Variants in GRK5 observed in about 807,000 individuals in gnomAD.
GRK5 encodes the protein G protein-coupled receptor kinase 5.
Under a neutral mutation model 78.4 loss-of-function variants are expected in GRK5, and 40 were observed. That is an observed-to-expected ratio of 0.51 (90% CI 0.40 to 0.66). GRK5 has a LOEUF of 0.66. Among genes scored for constraint, GRK5 ranks in the 30% least tolerant of loss-of-function variants. The pLI, the probability that GRK5 is intolerant of heterozygous loss-of-function variation, is 0.00. For synonymous variants in GRK5, 289 were observed against 296.8 expected (o/e 0.97, Z 0.27); for missense variants, 598 against 759.9 (o/e 0.79, Z 2.50).
intron 3 of GRK5, among the ~76,000 whole-genome samples, chr10:119,381,433 C>T (rs1188912113): frequency 2.0e-5 from 3 of 152,254 alleles, no homozygotes; most frequent in Admixed American, 2.0e-4. Flanking sequence ...GCACTCAATA[C>T]ATGTCAAATG....
intron 1 of GRK5, among the ~76,000 whole-genome samples, chr10:119,311,914 A>ACTTTTTTTTTTTTTTTTTTTTTT (rs34048341): frequency 7.3e-6 from 1 of 137,814 alleles, no homozygotes; most frequent in Non-Finnish European, 1.5e-5. Context: ...TGAATTGTTC[A>ACTTTTTTTTTTTTTTTTTTTTTT]TTTTTTTTTT....
intron 1 of GRK5, among the ~76,000 whole-genome samples, chr10:119,241,353 GC>G (rs1328857259): frequency 6.6e-6 from 1 of 152,222 alleles, no homozygotes; most frequent in Non-Finnish European, 1.5e-5. Flanking sequence ...AGGGATGCAT[GC>G]CAGATGGCCT....
intron 1 of GRK5, among the ~76,000 whole-genome samples, chr10:119,320,455 G>C (rs1022199148): frequency 6.6e-6 from 1 of 152,230 alleles, no homozygotes; most frequent in African/African-American, 2.4e-5. Flanking sequence ...TGCTGCATGC[G>C]TTGAGAGAAT....
At chr10:119,395,926 A>G (rs1378144843) in intron 3 of GRK5, among the ~76,000 whole-genome samples, 1 of 152,164 alleles carries the variant, frequency 6.6e-6, no homozygotes, top group Non-Finnish European at 1.5e-5. Flanking sequence ...TTGGGATGGC[A>G]GCCCCTGTTC....
intron 2 of GRK5, among the ~76,000 whole-genome samples, chr10:119,363,757 C>A (rs1851401174): frequency 6.6e-6 from 1 of 152,196 alleles, no homozygotes; most frequent in Non-Finnish European, 1.5e-5. Context: ...TCAGAACTAA[C>A]TTGGATCTGT....
intron 1 of GRK5, among the ~76,000 whole-genome samples, chr10:119,276,931 A>G (rs1400550487): frequency 6.6e-6 from 1 of 152,208 alleles, no homozygotes; most frequent in African/African-American, 2.4e-5. Context: ...TACCATGATC[A>G]ATTATTATTA....
intron 3 of GRK5, among the ~76,000 whole-genome samples, chr10:119,389,632 G>A (rs537928101): frequency 6.6e-6 from 1 of 152,352 alleles, no homozygotes; most frequent in African/African-American, 2.4e-5. Context: ...ACTGGAGCAG[G>A]AGGGGGTCTG....
At chr10:119,393,930 A>G (rs1851928754) in intron 3 of GRK5, among the ~76,000 whole-genome samples, 1 of 138,740 alleles carries the variant, frequency 7.2e-6, no homozygotes, top group African/African-American at 2.7e-5. Context: ...GTGGATGGGT[A>G]TCTGTGGGTG....
At chr10:119,420,337 AAAAC>A (rs149499569) in intron 4 of GRK5, among the ~76,000 whole-genome samples, 53,105 of 106,208 alleles carry the variant, frequency 0.5, 11,125 homozygotes, top group African/African-American at 0.63. Context: ...GTTTGCTACT[AAAAC>A]AAACAAACAA....
chr10:119,259,528 C>G (rs1182089855), intron 1 of GRK5, among the ~76,000 whole-genome samples: 1 of 152,238 alleles, frequency 6.6e-6, no homozygotes, highest in Non-Finnish European at 1.5e-5. Flanking sequence ...CTGCTTTTCT[C>G]TTGGACAGAG....
intron 1 of GRK5, among the ~76,000 whole-genome samples, chr10:119,295,846 C>T (rs961355892): frequency 3.3e-5 from 5 of 151,942 alleles, no homozygotes; most frequent in East Asian, 3.9e-4. Context: ...TAAGGTGCAG[C>T]GTATACTGCT....
At position 119,267,589 on chromosome 10, in the gene GRK5, A is replaced by G. The variant is rs1381647188; in HGVS notation, c.53-58927A>G. On this transcript the variant is annotated intron_variant, in intron 1 of 15. Coordinates refer to ENST00000392870, the MANE Select transcript of GRK5 (RefSeq NM_005308.3). The surrounding 1 kb of genome is among the most constrained non-coding windows in gnomAD (Gnocchi z 4.1). ...AGGCTCAGCGGACGGGCCCTGTTTT[A>G]GGGATTGAGGACATGGCAGGTAGAT... 6.6e-6 allele frequency among the ~76,000 whole-genome samples: 1 copy of G among 152,182 alleles called. No homozygotes were observed.
intron 1 of GRK5, among the ~76,000 whole-genome samples, chr10:119,275,474 T>C (rs533760220): frequency 2.0e-5 from 3 of 152,302 alleles, no homozygotes; most frequent in African/African-American, 2.4e-5. Context: ...TGAAGGAGAA[T>C]TGATACAGAG....
At chr10:119,301,416 G>A (rs941955102) in intron 1 of GRK5, among the ~76,000 whole-genome samples, 14 of 152,106 alleles carry the variant, frequency 9.2e-5, no homozygotes, top group African/African-American at 3.4e-4. Flanking sequence ...GTTCATTCTC[G>A]CTGCTGAGTC....
At chr10:119,393,521 A>G (rs1211081174) in intron 3 of GRK5, among the ~76,000 whole-genome samples, 1 of 152,218 alleles carries the variant, frequency 6.6e-6, no homozygotes, top group African/African-American at 2.4e-5. Flanking sequence ...TCTGGATGGT[A>G]TAGAGTTACC....
chr10:119,237,690 G>T (rs547439240), intron 1 of GRK5, among the ~76,000 whole-genome samples: 2 of 152,170 alleles, frequency 1.3e-5, no homozygotes, highest in African/African-American at 2.4e-5. Context: ...AGCCGGAGAG[G>T]GGGAGGGAAC....
At chr10:119,278,158 T>C (rs1049506637) in intron 1 of GRK5, among the ~76,000 whole-genome samples, 1 of 152,188 alleles carries the variant, frequency 6.6e-6, no homozygotes, top group Non-Finnish European at 1.5e-5. Flanking sequence ...AAGGAATCGT[T>C]GTTTTTAGAT....
rs1471724273 is a variant in GRK5, at chr10:119,271,393, T to C, written c.53-55123T>C. Among the ~76,000 whole-genome samples the C allele has an allele frequency of 6.6e-6, 1 of 152,286 alleles. No homozygotes were observed. The highest frequency in any genetic ancestry group is 1.5e-5 in the Non-Finnish European group (1 of 68,052). ...TAGCCTTTTGCCTTCTATTGTTTGCTGTCCCAGAGACTGGCTGAAACAATG... is the reference window on the plus strand; with the variant it reads ...TAGCCTTTTGCCTTCTATTGTTTGCCGTCCCAGAGACTGGCTGAAACAATG... On this transcript the variant is annotated intron_variant, in intron 1 of 15. Transcript: ENST00000392870. This position sits in a 1 kb window ranked among gnomAD's most constrained non-coding sequence, Gnocchi z 4.1.
chr10:119,427,361 A>AC (rs1589804283), intron 6 of GRK5, among the ~76,000 whole-genome samples: 24 of 140,234 alleles, frequency 1.7e-4, no homozygotes, highest in Admixed American at 3.5e-4. Context: ...CATCAGCATC[A>AC]TCACCATCAT....
Sources: gnomAD v4.1 joint callset for allele counts (sites outside exome capture counted in the v4.1 genomes callset) on GRCh38, gnomAD v4.1.1 for gene constraint, Gnocchi (gnomAD v3.1) non-coding constraint, MANE v1.5 for transcripts, NCBI Gene and HGNC (gene_info 2026-07-23, HGNC 2026-07-21) for gene names.